Variants in ING1 observed in about 807,000 individuals in gnomAD.
The protein encoded by ING1 is inhibitor of growth family member 1.
A neutral mutation model predicts 23.1 loss-of-function variants in ING1; 4 were observed. That is an observed-to-expected ratio of 0.17 (90% confidence interval 0.09 to 0.40). The LOEUF is 0.40. ING1 is among the 10% of genes least tolerant of loss of function. ING1 has a pLI of 1.00. For synonymous variants in ING1, 179 were observed against 166.4 expected (o/e 1.08, Z -0.58); for missense variants, 256 against 393.8 (o/e 0.65, Z 2.96).
At chr13:110,715,132 G>A in intron 1 of ING1, 3 of 1,115,684 alleles carry the variant, frequency 2.7e-6, no homozygotes, top group Non-Finnish European at 3.3e-6. Context: ...TGGCGAGTTC[G>A]TGTCCGCCGG....
In ING1 at chr13:110,713,814, C is replaced by T; in HGVS notation, c.-336C>T. 1.0e-6 allele frequency: 1 copy of T among 983,776 alleles called. No homozygotes were observed. Among genetic ancestry groups the T allele is most frequent in the Non-Finnish European group, 1.2e-6 (1 of 829,070 alleles). 60.9% of individuals were successfully genotyped at this position (983,776 alleles called of 1,614,324 possible). ...CAGTGGGCGAGTGGGCAGCGGCGGC[C>T]GCGGCGCTGGGCCCTCTCCCGCCGG... is the stretch of plus-strand genomic sequence containing the variant. On this transcript the variant is annotated 5_prime_UTR_variant, in exon 1 of 2. Coordinates refer to ENST00000333219, the MANE Select transcript of ING1 (RefSeq NM_198219.3).
chr13:110,713,273 G>A (rs2064058864), upstream of ING1: 3 of 1,309,730 alleles, frequency 2.3e-6, no homozygotes, highest in Non-Finnish European at 1.9e-6. Context: ...GTCAGGGGCT[G>A]AGGAGCGAGT....
upstream of ING1, chr13:110,713,197 G>A: frequency 7.0e-7 from 1 of 1,423,680 alleles, no homozygotes; most frequent in Non-Finnish European, 9.1e-7. Context: ...CAAGTAGATT[G>A]GCTACTGCGG....
chr13:110,715,680 C>T (rs1023280785), intron 1 of ING1: 5 of 1,605,126 alleles, frequency 3.1e-6, no homozygotes, highest in Non-Finnish European at 4.3e-6. Context: ...GCTCTTCCGC[C>T]CTGCGGTGTG....
In ING1 at chr13:110,719,722, C is replaced by G; in HGVS notation, c.630C>G (p.Pro210=). ...ACCTCCCCATCGACCCCAACGAACC[C>G]ACGTACTGTCTGTGCAACCAGGTCT... The part of the protein sequence containing the change: ...PADLPIDPNE[P]TYCLCNQVSY... The change falls in exon 2 of 2, where the codon CCC becomes CCG. Residue 210 remains proline (P), a synonymous_variant. Transcript: ENST00000333219. The surrounding 1 kb of genome is among the most constrained non-coding windows in gnomAD (Gnocchi z 8.9). 6.2e-7 allele frequency: 1 copy of G among 1,614,036 alleles called. No individual in the cohort carries two copies. Among genetic ancestry groups the G allele is most frequent in the Non-Finnish European group, 8.5e-7 (1 of 1,180,004 alleles).
intron 1 of ING1, chr13:110,715,310 A>G (rs2064102002): frequency 2.9e-6 from 4 of 1,402,058 alleles, no homozygotes; most frequent in Admixed American, 6.1e-5. Context: ...GCTATCCCCG[A>G]AAGTACTAGA....
upstream of ING1, chr13:110,713,460 C>A (rs2064063352): frequency 2.0e-6 from 2 of 990,238 alleles, no homozygotes; most frequent in Non-Finnish European, 2.4e-6. Flanking sequence ...GCGCCTCGCC[C>A]GCCGTCCACA....
At chr13:110,715,219 C>T in intron 1 of ING1, 6 of 1,286,320 alleles carry the variant, frequency 4.7e-6, no homozygotes, top group Non-Finnish European at 5.9e-6. Flanking sequence ...TGTGGATCAC[C>T]ACTCGGAGTT....
chr13:110,713,420 T>C (rs1008228491), upstream of ING1: 25 of 1,006,832 alleles, frequency 2.5e-5, no homozygotes, highest in African/African-American at 4.1e-4. Flanking sequence ...AGGCTCTGCC[T>C]CCAAGTGCCA....
At chr13:110,713,574 A>G (rs963358890), upstream of ING1, 26 of 985,602 alleles carry the variant, frequency 2.6e-5, no homozygotes, top group African/African-American at 3.5e-4. Flanking sequence ...CGCAGCCCCC[A>G]GGGCCTGGGA....
chr13:110,716,687 T>C (rs1329483645), intron 1 of ING1, among the ~76,000 whole-genome samples: 4 of 152,228 alleles, frequency 2.6e-5, no homozygotes, highest in Non-Finnish European at 1.5e-5. Flanking sequence ...TTTAAAATAA[T>C]TGGACAAACC....
Position 110,714,075 on chromosome 13 carries a change from C to T in ING1, c.-75C>T. 1.4e-6 allele frequency: 2 copies of T among 1,416,688 alleles called. No individual in the cohort carries two copies. The highest frequency in any genetic ancestry group is 1.9e-6 in the Non-Finnish European group (2 of 1,073,276). The allele number at this position is 1,416,688 out of a possible 1,614,324, so 87.8% of individuals were successfully genotyped here. ...AGCGAGGGCTTTGCATTTTGCAGTGCTATTTTTTGAGGGGGGCGGGGGGTG... is the reference window on the plus strand; with the variant it reads ...AGCGAGGGCTTTGCATTTTGCAGTGTTATTTTTTGAGGGGGGCGGGGGGTG... On this transcript the variant is annotated 5_prime_UTR_variant, in exon 1 of 2. Coordinates refer to ENST00000333219, the MANE Select transcript of ING1 (RefSeq NM_198219.3).
intron 1 of ING1, among the ~76,000 whole-genome samples, chr13:110,714,767 GC>G (rs1279971275): frequency 1.3e-5 from 2 of 152,126 alleles, no homozygotes; most frequent in African/African-American, 4.8e-5. Flanking sequence ...CTTCTTCGTC[GC>G]CCCCCACTCA....
At chr13:110,713,087 C>G (rs112587620), upstream of ING1, 39 of 1,441,912 alleles carry the variant, frequency 2.7e-5, 1 homozygote, top group East Asian at 7.7e-4. Flanking sequence ...CCTTCCGCCT[C>G]CCGGAGGACT....
intron 1 of ING1, chr13:110,715,697 TCTC>T (rs780366402): frequency 1.8e-4 from 286 of 1,597,808 alleles, no homozygotes; most frequent in South Asian, 9.0e-4. Context: ...TGTGGTTGGT[TCTC>T]CTCCTGGCCT....
At position 110,719,605 on chromosome 13, in the gene ING1, C is replaced by A. The variant is rs773617626; in HGVS notation, c.513C>A (p.Gly171=). The A allele has an allele frequency of 2.8e-5, 45 of 1,611,386 alleles. No homozygotes were observed. The highest frequency in any genetic ancestry group is 3.6e-5 in the Non-Finnish European group (43 of 1,179,402). The change falls in exon 2 of 2, where the codon GGC becomes GGA. Residue 171 remains glycine, a synonymous_variant. Transcript: ENST00000333219. The surrounding 1 kb of genome is among the most constrained non-coding windows in gnomAD (Gnocchi z 8.9). ...NASSNHDHDD[G]ASGTPKEKKA... ...CCAGCAACCACGACCACGACGACGGCGCCTCGGGCACACCCAAGGAGAAGA... is the reference window on the plus strand; with the variant it reads ...CCAGCAACCACGACCACGACGACGGAGCCTCGGGCACACCCAAGGAGAAGA...
rs1217322712 is a variant in ING1, at chr13:110,720,073, G to A, written c.*141G>A. The A allele has an allele frequency of 2.8e-5, 18 of 644,598 alleles. No individual in the cohort carries two copies. The highest frequency in any genetic ancestry group is 3.7e-5 in the Admixed American group (1 of 27,312). The allele number at this position is 644,598 out of a possible 1,614,324, so 39.9% of individuals were successfully genotyped here. A position where few individuals can be genotyped will look rare whatever the true frequency, so the allele number is the denominator to read the frequency against. ...AGGAACCATTCCTTTCATAGGGATGGCAGTGATTCTGTTTGCCTTTTGTTT... is the reference window on the plus strand; with the variant it reads ...AGGAACCATTCCTTTCATAGGGATGACAGTGATTCTGTTTGCCTTTTGTTT... On this transcript the variant is annotated 3_prime_UTR_variant, in exon 2 of 2. Coordinates refer to ENST00000333219, the MANE Select transcript of ING1 (RefSeq NM_198219.3).
intron 1 of ING1, chr13:110,715,265 G>A: frequency 7.2e-7 from 1 of 1,380,514 alleles, no homozygotes; most frequent in East Asian, 2.6e-5. Context: ...TAGGGAAACG[G>A]AAGAGTTGGG....
At position 110,719,658 on chromosome 13, in the gene ING1, G is replaced by C. The variant is rs2064155923; in HGVS notation, c.566G>C (p.Arg189Pro). 6.2e-7 allele frequency: 1 copy of C among 1,612,988 alleles called. No homozygotes were observed. Among genetic ancestry groups the C allele is most frequent in the Non-Finnish European group, 8.5e-7 (1 of 1,179,764 alleles). The change falls in exon 2 of 2, where the codon CGC (arginine) becomes CCC (proline). Residue 189 changes from arginine (R) to proline (P), a missense_variant. Physicochemically the swap from Arg to Pro is moderately radical, Grantham distance 103. This residue lies in a region of ING1 where 209 missense variants were observed against 273.8 expected (regional missense o/e 0.76). Transcript: ENST00000333219. The surrounding 1 kb of genome is among the most constrained non-coding windows in gnomAD (Gnocchi z 8.9). Reference sequence around the variant, plus strand: ...GCCAAGACCTCCAAGAAGAAGAAGCGCTCCAAGGCCAAGGCGGAGCGAGAG... The same window carrying C: ...GCCAAGACCTCCAAGAAGAAGAAGCCCTCCAAGGCCAAGGCGGAGCGAGAG... ...KKAKTSKKKKRSKAKAEREAS... is the reference protein window; with the variant it reads ...KKAKTSKKKKPSKAKAEREAS...
Sources: allele counts gnomAD v4.1 joint callset (sites outside exome capture counted in the v4.1 genomes callset), GRCh38; gene constraint gnomAD v4.1.1; regional missense constraint gnomAD v4.1.1; non-coding constraint Gnocchi (gnomAD v3.1); transcripts MANE v1.5; gene names NCBI Gene and HGNC (gene_info 2026-07-23, HGNC 2026-07-21).